Variants in ATCAY observed in about 807,000 individuals in gnomAD.
ATCAY encodes the protein ATCAY kinesin light chain interacting caytaxin.
ATCAY carries 22 observed loss-of-function variants against 47.7 expected under a neutral mutation model. The ratio of observed to expected loss-of-function variants is 0.46; its 90% CI spans 0.33 to 0.66. ATCAY has a LOEUF of 0.66. ATCAY is among the 30% of genes least tolerant of loss of function. The pLI is 0.02. For synonymous variants in ATCAY, 216 were observed against 207.6 expected, an observed-to-expected ratio of 1.04 and a Z score of -0.35; for missense variants, 452 against 515.0, an observed-to-expected ratio of 0.88 and a Z score of 1.18.
chr19:3,922,955 C>T (rs936496283), intron 12 of ATCAY, among the ~76,000 whole-genome samples: 8 of 152,158 alleles, frequency 5.3e-5, no homozygotes, highest in South Asian at 4.1e-4. Flanking sequence ...CCATGTTAGC[C>T]GGGATGGTCT....
chr19:3,917,529 G>A (rs2038975975), intron 9 of ATCAY, among the ~76,000 whole-genome samples: 1 of 126,742 alleles, frequency 7.9e-6, no homozygotes, highest in Non-Finnish European at 1.6e-5. Flanking sequence ...AGGTTGCAGT[G>A]AGCCAAGATC....
chr19:3,918,599 A>G (rs373025515), intron 10 of ATCAY, among the ~76,000 whole-genome samples: 2 of 152,064 alleles, frequency 1.3e-5, no homozygotes, highest in Non-Finnish European at 2.9e-5. Context: ...GCCAGGTCCA[A>G]TGCCAGCTTT....
intron 1 of ATCAY, among the ~76,000 whole-genome samples, chr19:3,882,499 AT>A (rs34479422): frequency 0.021 from 2,835 of 133,554 alleles, 71 homozygotes; most frequent in African/African-American, 0.074. Context: ...TAATTTTTGT[AT>A]TTTTTTTTTT....
At chr19:3,882,671 C>A (rs996008813) in intron 1 of ATCAY, among the ~76,000 whole-genome samples, 17 of 149,754 alleles carry the variant, frequency 1.1e-4, no homozygotes, top group African/African-American at 4.0e-4. Context: ...TGAAATAGAA[C>A]CTCACTCTGT....
At position 3,908,256 on chromosome 19, in the gene ATCAY, G is replaced by A. The variant is rs1300115848; in HGVS notation, c.545-12G>A. ...AGGACTCTGACGTTGCCGATCGGCT[G>A]CCTCTCCTCAGGGTACTACGGCGAA... On this transcript the variant is annotated splice_polypyrimidine_tract_variant and intron_variant, in intron 5 of 12. Transcript: ENST00000450849. 6.4e-7 allele frequency: 1 copy of A among 1,565,002 alleles called. No homozygotes were observed. Among genetic ancestry groups the A allele is most frequent in the Non-Finnish European group, 8.7e-7 (1 of 1,154,326 alleles).
chr19:3,903,912 G>A (rs1247225539), intron 3 of ATCAY, among the ~76,000 whole-genome samples: 2 of 150,516 alleles, frequency 1.3e-5, no homozygotes, highest in Non-Finnish European at 3.0e-5. Context: ...GCCGAGGCGG[G>A]CAGATCACGA....
chr19:3,887,696 C>T (rs561513732), intron 2 of ATCAY, among the ~76,000 whole-genome samples: 2 of 150,524 alleles, frequency 1.3e-5, no homozygotes, highest in South Asian at 4.2e-4. Flanking sequence ...CCATGTTAGC[C>T]AGGATGGTCT....
At chr19:3,883,297 G>A (rs554319793) in intron 1 of ATCAY, among the ~76,000 whole-genome samples, 2 of 152,032 alleles carry the variant, frequency 1.3e-5, no homozygotes, top group South Asian at 2.1e-4. Context: ...AGCCGAGATC[G>A]CACCACTGCA....
chr19:3,886,719 CT>C (rs546816341), intron 2 of ATCAY, among the ~76,000 whole-genome samples: 3,833 of 131,384 alleles, frequency 0.029, 143 homozygotes, highest in African/African-American at 0.095. Flanking sequence ...ACATGCTGAA[CT>C]TTTTTTTTTT....
chr19:3,904,480 C>T (rs75367190), intron 3 of ATCAY, among the ~76,000 whole-genome samples: 1,618 of 152,304 alleles, frequency 0.011, 42 homozygotes, highest in African/African-American at 0.036. Context: ...TGCCTGCGGA[C>T]GGTTTTGCAA....
chr19:3,911,470 G>C (rs569018254), intron 8 of ATCAY, among the ~76,000 whole-genome samples: 1 of 152,018 alleles, frequency 6.6e-6, no homozygotes, highest in African/African-American at 2.4e-5. Context: ...GCTGCAGTGA[G>C]CTATGATCAC....
rs751398427 is a variant in ATCAY at position 3,925,759 on chromosome 19, G to A, written c.*1167G>A. Reference sequence around the variant, plus strand: ...ACGATGGCTCACGCCTGTAATCCCAGACTTTGGGAGGCCGAGGCAGGCGGA... The same window carrying A: ...ACGATGGCTCACGCCTGTAATCCCAAACTTTGGGAGGCCGAGGCAGGCGGA... On this transcript the variant is annotated 3_prime_UTR_variant, in exon 13 of 13. Transcript: ENST00000450849. This position sits in a 1 kb window ranked among gnomAD's most constrained non-coding sequence, Gnocchi z 4.4. The A allele has an allele frequency of 3.3e-5, 5 of 152,400 alleles. No homozygotes were observed. Among genetic ancestry groups the A allele is most frequent in the Middle Eastern group, 6.8e-3 (2 of 294 alleles). 9.4% of individuals were successfully genotyped at this position (152,400 alleles called of 1,614,324 possible). A position where few individuals can be genotyped will look rare whatever the true frequency, so the allele number is the denominator to read the frequency against.
intron 2 of ATCAY, among the ~76,000 whole-genome samples, chr19:3,894,948 C>CAA (rs34311804): frequency 0.029 from 2,230 of 76,574 alleles, 41 homozygotes; most frequent in Middle Eastern, 0.045. Context: ...GACCCTGTCT[C>CAA]AAAAAAAAAA....
chr19:3,892,191 C>T (rs1204026028), intron 2 of ATCAY, among the ~76,000 whole-genome samples: 3 of 151,006 alleles, frequency 2.0e-5, no homozygotes, highest in Non-Finnish European at 4.4e-5. Context: ...TGCCCAGCTG[C>T]TTGTAACTTT....
chr19:3,920,694 GA>G (rs1269447356), intron 11 of ATCAY, 71 bp from the exon 12 acceptor site: 34 of 1,348,672 alleles, frequency 2.5e-5, no homozygotes, highest in South Asian at 1.7e-4. Flanking sequence ...ATAAGTTAAA[GA>G]AAAAAAAGGG....
At chr19:3,890,232 C>A in intron 2 of ATCAY, among the ~76,000 whole-genome samples, 1 of 145,616 alleles carries the variant, frequency 6.9e-6, no homozygotes, top group Non-Finnish European at 1.5e-5. Context: ...GCCATTGGGC[C>A]CAGCTCCACC....
rs1368707934 is a variant in ATCAY, at chr19:3,913,668, GA to G, written c.867-89del. 2.1e-5 allele frequency: 20 copies of G among 945,466 alleles called. No individual in the cohort carries two copies. The African/African-American group carries it at 2.8e-4, about 13-fold the overall frequency. 58.6% of individuals were successfully genotyped at this position (945,466 alleles called of 1,614,324 possible). ...GCATCCTGGAGTGGGGTCCTGTGGG[GA>G]TCCCTGTCGCCATGGCTCTGTCTGG... On this transcript the variant is annotated intron_variant, in intron 8 of 12. Transcript: ENST00000450849.
At chr19:3,919,848 G>A (rs1175724903) in intron 11 of ATCAY, among the ~76,000 whole-genome samples, 1 of 152,114 alleles carries the variant, frequency 6.6e-6, no homozygotes, top group Non-Finnish European at 1.5e-5. Context: ...GGTCCCAGCA[G>A]GTAGATTCAG....
chr19:3,891,671 C>T (rs2038720402), intron 2 of ATCAY, among the ~76,000 whole-genome samples: 1 of 151,470 alleles, frequency 6.6e-6, no homozygotes, highest in South Asian at 2.1e-4. Context: ...AGGCTCTGGG[C>T]TCAGTGGAAG....
Sources: allele counts gnomAD v4.1 joint callset (sites outside exome capture counted in the v4.1 genomes callset), GRCh38; gene constraint gnomAD v4.1.1; non-coding constraint Gnocchi (gnomAD v3.1); transcripts MANE v1.5; gene names NCBI Gene and HGNC (gene_info 2026-07-23, HGNC 2026-07-21).